The following PDE4D variants were observed in gnomAD, a reference collection of about 807,000 sequenced individuals.
PDE4D encodes 3',5'-cyclic-AMP phosphodiesterase 4D.
A neutral mutation model predicts 87.4 loss-of-function variants in PDE4D; 24 were observed. The observed-to-expected ratio is 0.27, with a 90% CI of 0.20 to 0.39. The LOEUF (loss-of-function observed/expected upper bound fraction) is 0.39, where lower values mean the gene tolerates loss of function less well. PDE4D is among the 10% of genes least tolerant of loss of function. The pLI is 1.00. For synonymous variants in PDE4D, 384 were observed against 383.2 expected, an observed-to-expected ratio of 1.00 and a Z score of -0.02; for missense variants, 714 against 1,041.0, an observed-to-expected ratio of 0.69 and a Z score of 4.32.
intron 1 of PDE4D, among the ~76,000 whole-genome samples, chr5:59,217,588 G>A (rs1026667482): frequency 1.3e-5 from 2 of 152,046 alleles, no homozygotes; most frequent in Non-Finnish European, 2.9e-5. Context: ...ATATTTATTT[G>A]GTTCAGGAAG....
At chr5:59,635,470 C>T (rs140644773) in intron 1 of PDE4D, among the ~76,000 whole-genome samples, 153 of 152,328 alleles carry the variant, frequency 1.0e-3, no homozygotes, top group African/African-American at 3.3e-3. Flanking sequence ...CCTTGATGAA[C>T]ATCGATGTGA....
intron 1 of PDE4D, among the ~76,000 whole-genome samples, chr5:59,427,321 AC>A (rs1562167938): frequency 1.3e-5 from 2 of 151,234 alleles, no homozygotes; most frequent in Non-Finnish European, 2.9e-5. Flanking sequence ...ACACACACAC[AC>A]ACACACACAC....
intron 1 of PDE4D, among the ~76,000 whole-genome samples, chr5:59,642,272 TA>T (rs1741709367): frequency 6.6e-6 from 1 of 151,962 alleles, no homozygotes; most frequent in African/African-American, 2.4e-5. Flanking sequence ...TTAATTTTAC[TA>T]AAAAATATTT....
intron 5 of PDE4D, among the ~76,000 whole-genome samples, chr5:59,142,332 C>T (rs769288350): frequency 1.3e-5 from 2 of 152,030 alleles, no homozygotes; most frequent in Non-Finnish European, 2.9e-5. Flanking sequence ...TTTCTTTTCT[C>T]CCCAACCTTC....
At chr5:59,420,559 C>CA (rs2153626950) in intron 1 of PDE4D, among the ~76,000 whole-genome samples, 1 of 151,992 alleles carries the variant, frequency 6.6e-6, no homozygotes, top group Admixed American at 6.6e-5. Flanking sequence ...CAGGGAGAAG[C>CA]AAAATCTCTT....
chr5:59,838,706 G>T (rs1020028019), intron 1 of PDE4D, among the ~76,000 whole-genome samples: 5 of 152,012 alleles, frequency 3.3e-5, no homozygotes, highest in African/African-American at 1.2e-4. Flanking sequence ...ATAATATTTA[G>T]TGCCTATAGA....
At chr5:59,409,229 T>C (rs1467055844) in intron 1 of PDE4D, among the ~76,000 whole-genome samples, 1 of 152,120 alleles carries the variant, frequency 6.6e-6, no homozygotes. Flanking sequence ...ATAACTTGTT[T>C]TAATTTTACA....
intron 1 of PDE4D, among the ~76,000 whole-genome samples, chr5:59,425,945 A>G (rs895104200): frequency 4.6e-5 from 7 of 152,198 alleles, no homozygotes; most frequent in Non-Finnish European, 1.0e-4. Context: ...GTATCTCAGA[A>G]TGAGACTATA....
chr5:58,994,162 CA>C (rs1214075212), intron 6 of PDE4D, among the ~76,000 whole-genome samples: 2 of 152,148 alleles, frequency 1.3e-5, no homozygotes, highest in African/African-American at 2.4e-5. Context: ...TCAACATCCA[CA>C]AAATTTACCA....
At chr5:60,267,515 A>T (rs1750343210) in intron 1 of PDE4D, among the ~76,000 whole-genome samples, 1 of 152,136 alleles carries the variant, frequency 6.6e-6, no homozygotes, top group Non-Finnish European at 1.5e-5. Flanking sequence ...ACTTCAGCAA[A>T]ATACGCTTTG....
intron 1 of PDE4D, among the ~76,000 whole-genome samples, chr5:60,307,108 A>G (rs1272509433): frequency 6.6e-6 from 1 of 152,190 alleles, no homozygotes; most frequent in Non-Finnish European, 1.5e-5. Context: ...AAATGCAAAC[A>G]TAACTAATTA....
chr5:59,082,372 T>C (rs1326958846), intron 5 of PDE4D, among the ~76,000 whole-genome samples: 1 of 152,146 alleles, frequency 6.6e-6, no homozygotes, highest in Non-Finnish European at 1.5e-5. Context: ...AAACCAAATA[T>C]GCTGTACAAA....
intron 1 of PDE4D, among the ~76,000 whole-genome samples, chr5:59,881,628 T>C (rs1314386389): frequency 6.6e-6 from 1 of 152,158 alleles, no homozygotes; most frequent in Non-Finnish European, 1.5e-5. Flanking sequence ...CTTCATAAAA[T>C]TGGTAACCCT....
intron 1 of PDE4D, among the ~76,000 whole-genome samples, chr5:60,417,361 G>A (rs1441773268): frequency 6.6e-6 from 1 of 152,102 alleles, no homozygotes; most frequent in East Asian, 1.9e-4. Context: ...TTGCACTCCT[G>A]GAGGGCAAAA....
intron 1 of PDE4D, among the ~76,000 whole-genome samples, chr5:59,408,477 AG>A (rs1351051519): frequency 6.6e-6 from 1 of 152,242 alleles, no homozygotes; most frequent in Admixed American, 6.5e-5. Context: ...GTAGTGCAGA[AG>A]GGAATATGGG....
chr5:59,570,594 A>G (rs1236529723), intron 1 of PDE4D, among the ~76,000 whole-genome samples: 2 of 152,174 alleles, frequency 1.3e-5, no homozygotes, highest in Admixed American at 6.5e-5. Context: ...TGATCAAGAA[A>G]TAGGTATTTT....
intron 2 of PDE4D, among the ~76,000 whole-genome samples, chr5:60,137,485 A>G (rs113179251): frequency 0.1 from 15,245 of 152,156 alleles, 993 homozygotes; most frequent in Non-Finnish European, 0.14. Flanking sequence ...AATCACAGCC[A>G]TTCTGACTGG....
At chr5:59,879,179 CG>C (rs1420922449) in intron 1 of PDE4D, among the ~76,000 whole-genome samples, 1 of 151,960 alleles carries the variant, frequency 6.6e-6, no homozygotes, top group Non-Finnish European at 1.5e-5. Context: ...GGATTACAGG[CG>C]TGAGCCACCG....
intron 1 of PDE4D, among the ~76,000 whole-genome samples, chr5:59,232,373 C>A (rs1323260292): frequency 6.6e-6 from 1 of 151,918 alleles, no homozygotes; most frequent in Non-Finnish European, 1.5e-5. Context: ...GGACAAAGGA[C>A]ATGAAGACAT....
Sources: gnomAD v4.1 joint callset for allele counts (sites outside exome capture counted in the v4.1 genomes callset) on GRCh38, gnomAD v4.1.1 for gene constraint, MANE v1.5 for transcripts, NCBI Gene and HGNC (gene_info 2026-07-23, HGNC 2026-07-21) for gene names.